The following ASH1L variants were observed in gnomAD, a reference collection of about 807,000 sequenced individuals.
ASH1L encodes the protein ASH1 like histone lysine methyltransferase.
Under a neutral mutation model 269.0 loss-of-function variants are expected in ASH1L, and 23 were observed. The ratio of observed to expected loss-of-function variants is 0.09; its 90% CI spans 0.06 to 0.12. The LOEUF (loss-of-function observed/expected upper bound fraction) is 0.12. Among genes scored for constraint, ASH1L ranks in the 10% least tolerant of loss-of-function variants. The probability of loss-of-function intolerance (pLI) is 1.00; values close to 1 mark genes in which losing one functional copy is unlikely to be tolerated. For synonymous variants in ASH1L, 1,187 were observed against 1,253.5 expected (o/e 0.95, Z 1.12); for missense variants, 2,912 against 3,567.8 (o/e 0.82, Z 4.68).
rs1368336133 is a variant in ASH1L, at chr1:155,344,237, G to T, written c.7927C>A (p.Pro2643Thr). 6.2e-7 allele frequency: 1 copy of T among 1,614,176 alleles called. No individual in the cohort carries two copies. The highest frequency in any genetic ancestry group is 2.2e-5 in the East Asian group (1 of 44,880). The part of the protein sequence containing the change: ...PMIPRPHYAQ[P>T]GCVYFICLLR... ...AAACAGATGAAGTAGACACAGCCAG[G>T]TTGGGCATAGTGGGGCCGAGGGATC... The change falls in exon 22 of 28, where the codon CCT (proline) becomes ACT (threonine). Residue 2643 changes from proline (P) to threonine (T), a missense_variant. Physicochemically the swap from Pro to Thr is conservative, Grantham distance 38. Around this residue, in one of 13 missense-constraint regions of ASH1L, gnomAD observed 179 missense variants for 293.8 expected, o/e 0.61. Transcript: ENST00000392403.
chr1:155,489,809 A>AATAAATAC (rs1380765231), intron 2 of ASH1L, among the ~76,000 whole-genome samples: 9 of 148,954 alleles, frequency 6.0e-5, no homozygotes, highest in Non-Finnish European at 1.2e-4. Context: ...TAAATAAATA[A>AATAAATAC]ATAAATAAAT....
chr1:155,471,572 C>T (rs530394826), intron 3 of ASH1L, among the ~76,000 whole-genome samples: 6 of 152,212 alleles, frequency 3.9e-5, no homozygotes, highest in Admixed American at 1.3e-4. Context: ...GCAATGTGCC[C>T]GGATTCCACA....
chr1:155,407,009 A>T (rs1659346570), intron 6 of ASH1L, among the ~76,000 whole-genome samples: 2 of 152,058 alleles, frequency 1.3e-5, no homozygotes, highest in Non-Finnish European at 1.5e-5. Context: ...TACTTACAAA[A>T]AAAAGGGGAA....
chr1:155,343,091 AACC>A lies in ASH1L; in HGVS notation c.8293+220_8293+222del. On this transcript the variant is annotated intron_variant, in intron 24 of 27. Transcript: ENST00000392403. The surrounding 1 kb of genome is among the most constrained non-coding windows in gnomAD (Gnocchi z 6.1). ...CAGTGGTGCGATCTTGGCTCACTGC[AACC>A]TCTGCCTCCCAGGCTCAGCAATCCT... 2.1e-6 allele frequency: 1 copy of A among 470,408 alleles called. No homozygotes were observed. Among genetic ancestry groups the A allele is most frequent in the Admixed American group, 3.9e-5 (1 of 25,956 alleles). 29.1% of individuals were successfully genotyped at this position (470,408 alleles called of 1,614,324 possible).
chr1:155,415,944 A>G (rs754351015), intron 5 of ASH1L, 21 bp from the exon 6 acceptor site: 12 of 1,469,974 alleles, frequency 8.2e-6, no homozygotes, highest in African/African-American at 2.9e-5. Context: ...AAGTTTAAAG[A>G]TAATTTTATT....
chr1:155,395,449 C>T lies in ASH1L; in HGVS notation c.6103+10G>A, dbSNP rs1388209101. 3.2e-6 allele frequency: 5 copies of T among 1,584,938 alleles called. No individual in the cohort carries two copies. Among genetic ancestry groups the T allele is most frequent in the Middle Eastern group, 1.7e-4 (1 of 5,956 alleles). ...TTCTCAGCAATACATTGTGTGGACTCGGTACTTACCAACATGAATGGGCGC... is the reference window on the plus strand; with the variant it reads ...TTCTCAGCAATACATTGTGTGGACTTGGTACTTACCAACATGAATGGGCGC... On this transcript the variant is annotated intron_variant, in intron 7 of 27. Coordinates refer to ENST00000392403, the MANE Select transcript of ASH1L (RefSeq NM_018489.3).
intron 2 of ASH1L, among the ~76,000 whole-genome samples, chr1:155,483,861 T>C (rs1221075796): frequency 1.3e-5 from 2 of 152,096 alleles, no homozygotes; most frequent in African/African-American, 4.8e-5. Flanking sequence ...TATAGTGCTA[T>C]GGAGTGATTT....
intron 7 of ASH1L, among the ~76,000 whole-genome samples, chr1:155,388,030 T>A (rs1571072448): frequency 6.6e-6 from 1 of 152,134 alleles, no homozygotes; most frequent in Admixed American, 6.5e-5. Flanking sequence ...TAAGGAACTT[T>A]TGCTTAAGCA....
intron 4 of ASH1L, among the ~76,000 whole-genome samples, chr1:155,449,669 G>A (rs201830303): frequency 3.3e-5 from 5 of 151,762 alleles, no homozygotes; most frequent in Non-Finnish European, 7.4e-5. Context: ...ACAGGCGCCC[G>A]CCACCATGCC....
intron 13 of ASH1L, among the ~76,000 whole-genome samples, chr1:155,359,477 A>G (rs970185576): frequency 1.3e-5 from 2 of 151,938 alleles, no homozygotes; most frequent in Non-Finnish European, 2.9e-5. Context: ...GGGTTTCACT[A>G]TATTGGTCAG....
intron 2 of ASH1L, among the ~76,000 whole-genome samples, chr1:155,511,972 G>A (rs530904002): frequency 3.3e-5 from 5 of 151,540 alleles, no homozygotes; most frequent in Admixed American, 1.3e-4. Flanking sequence ...CACCACGCCC[G>A]GCTAATTTTT....
Position 155,479,797 on chromosome 1 carries a change from G to C in ASH1L, c.3073C>G (p.Leu1025Val). Residue 1025 changes from leucine to valine, a missense_variant, in exon 3 of 28, where the codon CTT becomes GTT. By Grantham distance (32) the Leu-to-Val change is conservative (BLOSUM62 1). Transcript: ENST00000392403. The stretch of plus-strand genomic sequence containing the variant: ...AATTTAGAGCCAAATGTGGCAGCAA[G>C]ACTTGATACCGTATTATGGAGTTTG... ...QSKLHNTVSSLAATFGSKLGQ... is the reference protein window; with the variant it reads ...QSKLHNTVSSVAATFGSKLGQ... 2 of 1,614,164 alleles carry C rather than the reference G, an allele frequency of 1.2e-6. No individual in the cohort carries two copies. The highest frequency in any genetic ancestry group is 1.7e-6 in the Non-Finnish European group (2 of 1,180,020).
intron 2 of ASH1L, among the ~76,000 whole-genome samples, chr1:155,489,862 T>C (rs931709467): frequency 6.6e-6 from 1 of 151,748 alleles, no homozygotes; most frequent in Non-Finnish European, 1.5e-5. Flanking sequence ...TCCAATTGCA[T>C]TTTTCTTTCC....
intron 15 of ASH1L, among the ~76,000 whole-genome samples, 175 bp from the exon 16 acceptor site, chr1:155,354,805 A>C (rs1654227668): frequency 6.6e-6 from 1 of 152,228 alleles, no homozygotes; most frequent in Non-Finnish European, 1.5e-5. Flanking sequence ...ACATTACATA[A>C]AACACATAAT....
intron 16 of ASH1L, among the ~76,000 whole-genome samples, chr1:155,353,686 A>T (rs1654118289): frequency 6.6e-6 from 1 of 152,160 alleles, no homozygotes; most frequent in South Asian, 2.1e-4. Context: ...TGAATGTGAG[A>T]AAAAAAGGTC....
At chr1:155,563,202 C>T (rs962517076), upstream of ASH1L, 1 of 456,604 alleles carries the variant, frequency 2.2e-6, no homozygotes, top group African/African-American at 2.0e-5. Flanking sequence ...GCCGCGGCGG[C>T]TGCGCGTTGA....
At chr1:155,560,739 T>G (rs1348314143) in intron 1 of ASH1L, among the ~76,000 whole-genome samples, 1 of 152,204 alleles carries the variant, frequency 6.6e-6, no homozygotes, top group Non-Finnish European at 1.5e-5. Flanking sequence ...TCAGCACCCA[T>G]GCAGCTGCTC....
chr1:155,429,864 AT>A (rs1661471911), intron 5 of ASH1L, among the ~76,000 whole-genome samples: 3 of 152,112 alleles, frequency 2.0e-5, no homozygotes, highest in Admixed American at 6.6e-5. Flanking sequence ...TGGTGGCACG[AT>A]TATGGCTCAC....
chr1:155,362,483 C>A (rs1325123933), intron 12 of ASH1L, among the ~76,000 whole-genome samples: 1 of 151,252 alleles, frequency 6.6e-6, no homozygotes, highest in Middle Eastern at 3.2e-3. Context: ...TTATTTCATC[C>A]TCCTAACAAT....
Sources: allele counts gnomAD v4.1 joint callset (sites outside exome capture counted in the v4.1 genomes callset), GRCh38; gene constraint gnomAD v4.1.1; regional missense constraint gnomAD v4.1.1; non-coding constraint Gnocchi (gnomAD v3.1); transcripts MANE v1.5; gene names NCBI Gene and HGNC (gene_info 2026-07-23, HGNC 2026-07-21).